The following AGMO variants were observed in gnomAD, a reference collection of about 807,000 sequenced individuals.
The protein encoded by AGMO is glyceryl-ether monooxygenase.
AGMO carries 75 observed loss-of-function variants against 60.2 expected under a neutral mutation model. The ratio of observed to expected loss-of-function variants is 1.25; its 90% CI spans 1.03 to 1.51. The LOEUF (loss-of-function observed/expected upper bound fraction) is 1.51. Ranked by LOEUF, AGMO falls within the 40% of genes most tolerant of loss-of-function variation. The pLI is 0.00. For synonymous variants in AGMO, 261 were observed against 177.1 expected (o/e 1.47, Z -3.76); for missense variants, 763 against 525.5 (o/e 1.45, Z -4.42).
At chr7:15,187,854 A>T in the AGMO span, among the ~76,000 whole-genome samples, 2 of 150,388 alleles carry the variant, frequency 1.3e-5, no homozygotes, top group African/African-American at 4.9e-5. Context: ...GTTTAAAGTT[A>T]CTCCCCATTA....
intron 3 of AGMO, among the ~76,000 whole-genome samples, chr7:15,520,513 G>A (rs10264516): frequency 0.013 from 2,047 of 152,238 alleles, 53 homozygotes; most frequent in African/African-American, 0.045. Context: ...AGACCATAGC[G>A]CAATCAAATT....
intron 3 of AGMO, among the ~76,000 whole-genome samples, chr7:15,511,716 C>A (rs1040546158): frequency 5.3e-5 from 8 of 152,168 alleles, no homozygotes; most frequent in African/African-American, 1.9e-4. Context: ...ACAAAGTATA[C>A]ATGTTTCATT....
the AGMO span, among the ~76,000 whole-genome samples, chr7:15,166,944 C>A: frequency 2.0e-5 from 3 of 152,180 alleles, no homozygotes; most frequent in African/African-American, 7.2e-5. Flanking sequence ...TTCAAAAGGG[C>A]TCTTATCCAT....
At chr7:15,411,421 T>C (rs1193808205) in intron 5 of AGMO, among the ~76,000 whole-genome samples, 1 of 151,898 alleles carries the variant, frequency 6.6e-6, no homozygotes, top group Admixed American at 6.6e-5. Flanking sequence ...ACAAATAAAA[T>C]CAGGAGCCAA....
At chr7:15,271,964 A>G (rs1351399222) in intron 12 of AGMO, among the ~76,000 whole-genome samples, 5 of 152,174 alleles carry the variant, frequency 3.3e-5, no homozygotes, top group Non-Finnish European at 7.3e-5. Context: ...GCAGTGGGTC[A>G]CATTTATTGA....
intron 4 of AGMO, 85 bp downstream of exon 4, chr7:15,430,920 T>G (rs1365906677): frequency 1.6e-6 from 1 of 614,810 alleles, no homozygotes; most frequent in Non-Finnish European, 2.4e-6. Context: ...TTCTATTAGT[T>G]TTTTTTTTTT....
chr7:15,385,580 A>G lies in AGMO; in HGVS notation c.958-18T>C, dbSNP rs1360734272. On this transcript the variant is annotated intron_variant, in intron 9 of 12. Transcript: ENST00000342526. ...CCGGTGACCTAGGGAGACAAGAACC[A>G]TTTCCTTTATATTGCTCCAGACTCA... 1 of 1,406,770 alleles carries G rather than the reference A, an allele frequency of 7.1e-7. No individual in the cohort carries two copies. Among genetic ancestry groups the G allele is most frequent in the Middle Eastern group, 1.8e-4 (1 of 5,676 alleles). The allele number at this position is 1,406,770 out of a possible 1,614,324, so 87.1% of individuals were successfully genotyped here.
At chr7:15,133,646 A>C in the AGMO span, among the ~76,000 whole-genome samples, 1 of 152,188 alleles carries the variant, frequency 6.6e-6, no homozygotes, top group African/African-American at 2.4e-5. Flanking sequence ...GGACTTAAAC[A>C]ATTGAAGCTA....
At chr7:15,321,337 A>C (rs1781102405) in intron 12 of AGMO, among the ~76,000 whole-genome samples, 1 of 152,162 alleles carries the variant, frequency 6.6e-6, no homozygotes, top group South Asian at 2.1e-4. Flanking sequence ...TAAAACTCTA[A>C]AATATATCTA....
chr7:15,225,365 T>A (rs1321939526), intron 12 of AGMO, among the ~76,000 whole-genome samples: 14 of 152,006 alleles, frequency 9.2e-5, no homozygotes, highest in Non-Finnish European at 7.4e-5. Flanking sequence ...TCTTATGATA[T>A]GTTTTTGTGG....
the AGMO span, among the ~76,000 whole-genome samples, chr7:15,189,590 G>T: frequency 6.6e-6 from 1 of 151,958 alleles, no homozygotes; most frequent in Non-Finnish European, 1.5e-5. Flanking sequence ...AAATGTTAAG[G>T]AACAGCATCT....
chr7:15,280,143 G>A (rs1299881092), intron 12 of AGMO, among the ~76,000 whole-genome samples: 9 of 152,328 alleles, frequency 5.9e-5, no homozygotes, highest in Admixed American at 5.2e-4. Flanking sequence ...GGTGGACTGG[G>A]AGGGGAATGG....
chr7:15,495,833 TCTCTCTCTC>T (rs141825658), intron 3 of AGMO, among the ~76,000 whole-genome samples: 74,346 of 138,390 alleles, frequency 0.54, 21,120 homozygotes, highest in East Asian at 0.91. Context: ...TCTCTCTCTC[TCTCTCTCTC>T]CTCTCTCTCT....
At chr7:15,271,081 A>G (rs1783597290) in intron 12 of AGMO, among the ~76,000 whole-genome samples, 1 of 152,078 alleles carries the variant, frequency 6.6e-6, no homozygotes, top group Admixed American at 6.6e-5. Context: ...GCCTTGTAAT[A>G]TAATTTGAAC....
chr7:15,169,956 G>T, the AGMO span, among the ~76,000 whole-genome samples: 1 of 152,230 alleles, frequency 6.6e-6, no homozygotes, highest in Non-Finnish European at 1.5e-5. Flanking sequence ...CTGGTTCAGA[G>T]AATTTGGCTT....
chr7:15,154,339 T>C, the AGMO span, among the ~76,000 whole-genome samples: 1 of 152,168 alleles, frequency 6.6e-6, no homozygotes, highest in African/African-American at 2.4e-5. Context: ...AGGTGCAAGA[T>C]TTCTACAAGG....
intron 3 of AGMO, among the ~76,000 whole-genome samples, chr7:15,461,852 T>C (rs1011623006): frequency 6.6e-6 from 1 of 152,144 alleles, no homozygotes; most frequent in Admixed American, 6.6e-5. Context: ...GAATACTGTT[T>C]TGTGGTTATA....
chr7:15,366,281 A>G, intron 10 of AGMO, 59 bp from the exon 11 acceptor site: 3 of 1,362,156 alleles, frequency 2.2e-6, no homozygotes, highest in East Asian at 2.5e-5. Context: ...AAGGTACACG[A>G]ACGGTTAAAG....
At chr7:15,360,606 G>C (rs1370978152) in intron 12 of AGMO, among the ~76,000 whole-genome samples, 1 of 152,084 alleles carries the variant, frequency 6.6e-6, no homozygotes, top group Non-Finnish European at 1.5e-5. Context: ...AGGTGGGTTT[G>C]GCCTTGCTAT....
Sources: gnomAD v4.1 joint callset for allele counts (sites outside exome capture counted in the v4.1 genomes callset) on GRCh38, gnomAD v4.1.1 for gene constraint, MANE v1.5 for transcripts, NCBI Gene and HGNC (gene_info 2026-07-23, HGNC 2026-07-21) for gene names.